Variants in HS3ST4 observed in about 807,000 individuals in gnomAD.
HS3ST4 encodes the protein heparan sulfate glucosamine 3-O-sulfotransferase 4.
In HS3ST4, 17 loss-of-function variants were observed where a neutral mutation model predicts 29.2. The observed-to-expected ratio is 0.58, with a 90% CI of 0.40 to 0.87. HS3ST4 has a LOEUF of 0.87. Ranked by LOEUF, HS3ST4 falls within the 40% of genes least tolerant of loss-of-function variation. The pLI, the probability that HS3ST4 is intolerant of heterozygous loss-of-function variation, is 0.00. For missense variants in HS3ST4, 627 were observed against 634.5 expected, an observed-to-expected ratio of 0.99 and a Z score of 0.13; for synonymous variants, 314 against 285.7, an observed-to-expected ratio of 1.10 and a Z score of -1.00.
chr16:25,844,348 C>G (rs558354666), intron 1 of HS3ST4, among the ~76,000 whole-genome samples: 4 of 152,294 alleles, frequency 2.6e-5, no homozygotes, highest in Non-Finnish European at 5.9e-5. Flanking sequence ...TCCAGGGATT[C>G]TTTACTGAGT....
intron 1 of HS3ST4, among the ~76,000 whole-genome samples, chr16:25,756,612 A>G (rs1457028963): frequency 2.0e-5 from 3 of 152,144 alleles, no homozygotes; most frequent in Admixed American, 6.5e-5. Flanking sequence ...TTGACCACAA[A>G]CCTTCCTGCA....
chr16:25,882,469 T>C (rs1967904008), intron 1 of HS3ST4, among the ~76,000 whole-genome samples: 1 of 152,144 alleles, frequency 6.6e-6, no homozygotes, highest in Admixed American at 6.5e-5. Flanking sequence ...TTTCAGGCAC[T>C]TTTTCTCTGG....
intron 1 of HS3ST4, among the ~76,000 whole-genome samples, chr16:25,915,308 A>C (rs1421453786): frequency 1.3e-5 from 2 of 152,230 alleles, no homozygotes; most frequent in Non-Finnish European, 2.9e-5. Context: ...GTCTCTCTGA[A>C]CAGCAGCGAG....
At chr16:25,954,253 CA>C (rs1968706886) in intron 1 of HS3ST4, among the ~76,000 whole-genome samples, 1 of 152,184 alleles carries the variant, frequency 6.6e-6, no homozygotes, top group Non-Finnish European at 1.5e-5. Context: ...TTCTGTCACT[CA>C]AAGCCAAACC....
chr16:25,837,656 G>A (rs1371982557), intron 1 of HS3ST4, among the ~76,000 whole-genome samples: 1 of 151,970 alleles, frequency 6.6e-6, no homozygotes, highest in African/African-American at 2.4e-5. Flanking sequence ...CTATATAACA[G>A]ATTCACTGAA....
At chr16:25,951,321 A>G (rs1353667249) in intron 1 of HS3ST4, among the ~76,000 whole-genome samples, 3 of 152,240 alleles carry the variant, frequency 2.0e-5, no homozygotes, top group African/African-American at 4.8e-5. Flanking sequence ...CACAGTGCAT[A>G]GAAACTGGAG....
chr16:25,757,332 T>G (rs746796323), intron 1 of HS3ST4, among the ~76,000 whole-genome samples: 29 of 152,138 alleles, frequency 1.9e-4, no homozygotes, highest in Non-Finnish European at 3.5e-4. Context: ...TTGGTTCAAG[T>G]TATTTAACTA....
At chr16:25,915,349 A>G (rs1268643821) in intron 1 of HS3ST4, among the ~76,000 whole-genome samples, 2 of 152,198 alleles carry the variant, frequency 1.3e-5, no homozygotes, top group Non-Finnish European at 1.5e-5. Flanking sequence ...TGAGAAACAC[A>G]AACATACCTG....
chr16:25,710,823 T>TA (rs1336706565), intron 1 of HS3ST4, among the ~76,000 whole-genome samples: 1 of 132,744 alleles, frequency 7.5e-6, no homozygotes, highest in African/African-American at 2.8e-5. Context: ...TTTTTTTTTT[T>TA]TTTTTTTTTT....
intron 1 of HS3ST4, among the ~76,000 whole-genome samples, chr16:26,039,905 A>C (rs542808927): frequency 1.3e-5 from 2 of 152,264 alleles, no homozygotes; most frequent in East Asian, 3.9e-4. Flanking sequence ...CATCTTATAG[A>C]TACTTAGATG....
At chr16:26,066,953 G>A (rs1481298697) in intron 1 of HS3ST4, among the ~76,000 whole-genome samples, 1 of 152,198 alleles carries the variant, frequency 6.6e-6, no homozygotes, top group East Asian at 1.9e-4. Flanking sequence ...CATTGGCAGG[G>A]TCTGTGCTGT....
chr16:25,857,956 C>CTT (rs1555469187), intron 1 of HS3ST4, among the ~76,000 whole-genome samples: 7 of 53,108 alleles, frequency 1.3e-4, no homozygotes, highest in Non-Finnish European at 2.4e-4. Flanking sequence ...TTCTTTCTTT[C>CTT]TTTCTTTCTT....
intron 1 of HS3ST4, among the ~76,000 whole-genome samples, chr16:25,847,618 G>A (rs1967479204): frequency 6.6e-6 from 1 of 152,088 alleles, no homozygotes; most frequent in Admixed American, 6.5e-5. Context: ...ATATATAGTT[G>A]TAGTAGATTT....
In HS3ST4 at chr16:25,739,506, AAAAC is replaced by A. The variant is rs112438238; in HGVS notation, c.734+46375_734+46378del. ...TCCTTTTCTGTGCATGACATGCTTA[AAAAC>A]AAACAAACAAACAAACAAAAAACTC... On this transcript the variant is annotated intron_variant, in intron 1 of 1. Coordinates refer to ENST00000331351, the MANE Select transcript of HS3ST4 (RefSeq NM_006040.3). 3.2e-3 allele frequency among the ~76,000 whole-genome samples: 484 copies of A among 152,232 alleles called. 3 individuals are homozygous for A. Among genetic ancestry groups the A allele is most frequent in the African/African-American group, 9.3e-3 (385 of 41,502 alleles).
intron 1 of HS3ST4, among the ~76,000 whole-genome samples, chr16:25,922,098 C>T (rs915614351): frequency 6.6e-6 from 1 of 152,138 alleles, no homozygotes; most frequent in Non-Finnish European, 1.5e-5. Context: ...AAGCTAATGG[C>T]CATGGGCTGA....
chr16:25,998,030 G>C (rs375183984), intron 1 of HS3ST4, among the ~76,000 whole-genome samples: 1 of 152,150 alleles, frequency 6.6e-6, no homozygotes, highest in Non-Finnish European at 1.5e-5. Context: ...GAGGCCAGGA[G>C]TTCCAGACTA....
chr16:25,847,005 C>T (rs1967473169), intron 1 of HS3ST4, among the ~76,000 whole-genome samples: 1 of 138,352 alleles, frequency 7.2e-6, no homozygotes, highest in Admixed American at 7.4e-5. Context: ...GCTCTCCCAT[C>T]AACACGAGTT....
chr16:25,797,106 C>A (rs1157212957), intron 1 of HS3ST4, among the ~76,000 whole-genome samples: 1 of 152,182 alleles, frequency 6.6e-6, no homozygotes, highest in African/African-American at 2.4e-5. Flanking sequence ...AACGAAGTAA[C>A]TGGTTTTTCA....
intron 1 of HS3ST4, among the ~76,000 whole-genome samples, chr16:26,055,240 A>G (rs1474526174): frequency 2.6e-5 from 4 of 152,128 alleles, no homozygotes; most frequent in African/African-American, 4.8e-5. Context: ...GCTCAGCCCC[A>G]AACCTCAGCT....
Sources: gnomAD v4.1 joint callset for allele counts (sites outside exome capture counted in the v4.1 genomes callset) on GRCh38, gnomAD v4.1.1 for gene constraint, MANE v1.5 for transcripts, NCBI Gene and HGNC (gene_info 2026-07-23, HGNC 2026-07-21) for gene names.